Variants in KCP observed in about 807,000 individuals in gnomAD.
KCP encodes the protein kielin/chordin-like protein.
KCP carries 194 observed loss-of-function variants against 212.7 expected under a neutral mutation model. The observed-to-expected ratio is 0.91, with a 90% CI of 0.81 to 1.03. The LOEUF is 1.03. Among genes scored for constraint, KCP ranks in the 50% least tolerant of loss-of-function variants. The probability of loss-of-function intolerance (pLI) is 0.00; values close to 1 mark genes in which losing one functional copy is unlikely to be tolerated. For missense variants in KCP, 2,080 were observed against 2,162.5 expected, an observed-to-expected ratio of 0.96 and a Z score of 0.76; for synonymous variants, 833 against 865.3, an observed-to-expected ratio of 0.96 and a Z score of 0.65.
chr7:128,891,602 A>G, intron 17 of KCP, 44 bp downstream of exon 17: 1 of 1,510,790 alleles, frequency 6.6e-7, no homozygotes, highest in East Asian at 2.5e-5. Context: ...TCCGGGGGCC[A>G]TGCCATCCCA....
At chr7:128,878,766 G>A in intron 37 of KCP, 44 bp from the exon 38 acceptor site, 1 of 1,522,686 alleles carries the variant, frequency 6.6e-7, no homozygotes, top group South Asian at 1.2e-5. Flanking sequence ...AAGGACAGGG[G>A]CCTTAAGAAG....
Position 128,889,028 on chromosome 7 carries a change from G to A in KCP, c.2347C>T (p.Leu783=). ...TGGTTACTCAGGTAGGACTCCCCCA[G>A]GTACTCACAGCCTTTCAGAGAAGAG... ...CCPDCDGCEY[L]GESYLSNQEF... is the part of the protein sequence containing the mutation. The change falls in exon 22 of 40, where the codon CTG becomes TTG. Residue 783 remains leucine (L), a synonymous_variant. Transcript: ENST00000610776. 6.6e-7 allele frequency: 1 copy of A among 1,509,448 alleles called. No individual in the cohort carries two copies. Among genetic ancestry groups the A allele is most frequent in the Non-Finnish European group, 8.9e-7 (1 of 1,125,014 alleles). The allele number at this position is 1,509,448 out of a possible 1,614,324, so 93.5% of individuals were successfully genotyped here.
chr7:128,904,470 T>A (rs771394666), intron 5 of KCP: 7 of 969,800 alleles, frequency 7.2e-6, no homozygotes, highest in Non-Finnish European at 1.1e-5. Flanking sequence ...CCCTTCCTGT[T>A]CCATCCCTCT....
Position 128,886,483 on chromosome 7 carries a change from G to A in KCP, c.2847C>T (p.Ser949=). 1.3e-6 allele frequency: 2 copies of A among 1,549,768 alleles called. No individual in the cohort carries two copies. Among genetic ancestry groups the A allele is most frequent in the Non-Finnish European group, 1.7e-6 (2 of 1,146,162 alleles). The change falls in exon 26 of 40, where the codon AGC becomes AGT. Residue 949 remains serine (S), a synonymous_variant. Transcript: ENST00000610776. The stretch of plus-strand genomic sequence containing the variant: ...CCATACCTCTGCAGCGAGGGCAGCA[G>A]CTCCCCCGCTCGGTGACCTGGAGCT... ...PCKLQVTERG[S]CCPRCRGCLA...
intron 34 of KCP, 45 bp downstream of exon 34, chr7:128,880,341 G>A (rs1450730500): frequency 6.8e-7 from 1 of 1,476,376 alleles, no homozygotes; most frequent in South Asian, 1.4e-5. Context: ...GGTACCATGT[G>A]CCCCCACCCT....
rs73461532 is a variant in KCP at position 128,904,434 on chromosome 7, C to T, written c.572-296G>A. ...CCTTCCCCCACCATCCTCCCTCTTT[C>T]TCTCTCTCCTGCTCTCCCTCCTCGT... On this transcript the variant is annotated intron_variant, in intron 5 of 39. Coordinates refer to ENST00000610776, the MANE Select transcript of KCP (RefSeq NM_001366122.1). 2.5e-5 allele frequency: 33 copies of T among 1,295,378 alleles called. No individual in the cohort carries two copies. In the African/African-American group the frequency reaches 4.4e-4, roughly 17 times the overall value. The allele number at this position is 1,295,378 out of a possible 1,614,324, so 80.2% of individuals were successfully genotyped here.
intron 37 of KCP, chr7:128,879,144 G>T: frequency 2.9e-6 from 1 of 348,490 alleles, no homozygotes; most frequent in Non-Finnish European, 5.3e-6. Flanking sequence ...GGGGGCAGGG[G>T]GCAAATTACT....
At chr7:128,891,317 T>C (rs777422037) in intron 18 of KCP, 39 bp from the exon 19 acceptor site, 30 of 1,547,032 alleles carry the variant, frequency 1.9e-5, no homozygotes, top group South Asian at 8.3e-5. Context: ...AGTGGGTTAG[T>C]TGGGGGAGGC....
At chr7:128,893,921 C>G in intron 10 of KCP, 22 bp from the exon 11 acceptor site, 1 of 1,550,630 alleles carries the variant, frequency 6.4e-7, no homozygotes, top group Non-Finnish European at 8.7e-7. Flanking sequence ...GCCTGGTCAG[C>G]ACGCCAGAGG....
chr7:128,886,942 T>G lies in KCP; in HGVS notation c.2623A>C (p.Lys875Gln), dbSNP rs1420634206. 6.5e-7 allele frequency: 1 copy of G among 1,529,410 alleles called. No individual in the cohort carries two copies. The highest frequency in any genetic ancestry group is 8.8e-7 in the Non-Finnish European group (1 of 1,132,088). The allele number at this position is 1,529,410 out of a possible 1,614,324, so 94.7% of individuals were successfully genotyped here. ...GGGCAGAGAGCTGGGGGACATGGCT[T>G]CTTCTGGCAGCGCATGGAACCTTCC... ...CQEGSMRCQK[K>Q]PCPPALCPHP... The change falls in exon 24 of 40, where the codon AAG becomes CAG. Residue 875 changes from lysine to glutamine, a missense_variant. Coordinates refer to ENST00000610776, the MANE Select transcript of KCP (RefSeq NM_001366122.1).
rs184329865 is a variant in KCP at position 128,893,421 on chromosome 7, C to T, written c.1155G>A (p.Glu385=). 42 of 1,551,658 alleles carry T rather than the reference C, an allele frequency of 2.7e-5. No homozygotes were observed. In the African/African-American group the frequency reaches 5.7e-4, roughly 21 times the overall value. ...YQSQETFRLQ[E]RGLCVRCSCQ... ...AGGAGCAGCGGACACAGAGGCCCCG[C>T]TCTTGGAGTCTGAAGGTCTCCTGGC... The change falls in exon 12 of 40, where the codon GAG becomes GAA. Residue 385 remains glutamate, a synonymous_variant. Transcript: ENST00000610776.
rs7782976 is a variant in KCP, at chr7:128,892,926, T to C, written c.1363A>G (p.Lys455Glu). Reference sequence around the variant, plus strand: ...GGGGGGCAGAGCACAGCCCCGCACTTGGGTACCCCATCTTGACAGACGCAG... The same window carrying C: ...GGGGGGCAGAGCACAGCCCCGCACTCGGGTACCCCATCTTGACAGACGCAG... ...TACVCQDGVP[K>E]CGAVLCPPAP... Residue 455 changes from lysine (K) to glutamate (E), a missense_variant, in exon 14 of 40, where the codon AAG (lysine) becomes GAG (glutamate). By Grantham distance (56) the Lys-to-Glu change is moderately conservative. Transcript: ENST00000610776. The C allele has an allele frequency of 0.22, 327,054 of 1,507,536 alleles. 42,662 individuals carry two copies. Among genetic ancestry groups the C allele is most frequent in the East Asian group, 0.54 (21,821 of 40,682 alleles). 93.4% of individuals were successfully genotyped at this position (1,507,536 alleles called of 1,614,324 possible).
chr7:128,888,797 G>A, intron 22 of KCP, 66 bp downstream of exon 22: 2 of 1,436,212 alleles, frequency 1.4e-6, no homozygotes. Flanking sequence ...GGAGGAAAGT[G>A]GAATCGGTGA....
chr7:128,885,297 G>A lies in KCP; in HGVS notation c.2867-27C>T, dbSNP rs767181173. The A allele has an allele frequency of 5.3e-6, 8 of 1,521,836 alleles. No individual in the cohort carries two copies. In the African/African-American group the frequency reaches 8.3e-5, roughly 16 times the overall value. 94.3% of individuals were successfully genotyped at this position (1,521,836 alleles called of 1,614,324 possible). A position where few individuals can be genotyped will look rare whatever the true frequency, so the allele number is the denominator to read the frequency against. The stretch of plus-strand genomic sequence containing the variant: ...TGTGGTGCAAAGTGGGCAGGGACGA[G>A]CTCGGAGGTTGAGATCTGGACATCT... On this transcript the variant is annotated intron_variant, in intron 26 of 39. Coordinates refer to ENST00000610776, the MANE Select transcript of KCP (RefSeq NM_001366122.1).
In KCP at chr7:128,910,632, G is replaced by A. The variant is rs941208514; in HGVS notation, c.45C>T (p.Leu15=). 4.0e-6 allele frequency: 6 copies of A among 1,517,626 alleles called. No homozygotes were observed. The highest frequency in any genetic ancestry group is 5.3e-6 in the Non-Finnish European group (6 of 1,139,820). The allele number at this position is 1,517,626 out of a possible 1,614,324, so 94.0% of individuals were successfully genotyped here. The change falls in exon 1 of 40, where the codon CTC becomes CTT. Residue 15 remains leucine, a synonymous_variant. Coordinates refer to ENST00000610776, the MANE Select transcript of KCP (RefSeq NM_001366122.1). ...CGCCCGCGGCCAGCGCCAGGGCCCC[G>A]AGGTGCAGGAGAAGGGACAGCGCAG... ...GAAALSLLLH[L]GALALAAGAE...
intron 22 of KCP, among the ~76,000 whole-genome samples, chr7:128,888,353 C>T (rs1454386489): frequency 4.1e-5 from 6 of 144,734 alleles, no homozygotes; most frequent in Non-Finnish European, 7.7e-5. Context: ...CACACATACA[C>T]AGATACACCC....
Position 128,886,501 on chromosome 7 carries a change from C to CT in KCP, c.2828dup (p.Val944GlyfsTer26). The CT allele has an allele frequency of 3.2e-6, 5 of 1,550,696 alleles. No homozygotes were observed. The highest frequency in any genetic ancestry group is 4.4e-6 in the Non-Finnish European group (5 of 1,146,538). On this transcript the variant is annotated frameshift_variant, in exon 26 of 40. Transcript: ENST00000610776. LOFTEE classifies it high-confidence loss of function. Reference sequence around the variant, plus strand: ...GGCAGCAGCTCCCCCGCTCGGTGACCTGGAGCTTGCAGGGAAGGGGTGGGC... The same window carrying CT: ...GGCAGCAGCTCCCCCGCTCGGTGACCTTGGAGCTTGCAGGGAAGGGGTGGGC...
Position 128,880,078 on chromosome 7 carries a change from G to A in KCP, c.3767C>T (p.Ala1256Val). The change falls in exon 35 of 40, where the codon GCC becomes GTC. Residue 1256 changes from alanine to valine, a missense_variant. By Grantham distance (64) the Ala-to-Val change is moderately conservative. Coordinates refer to ENST00000610776, the MANE Select transcript of KCP (RefSeq NM_001366122.1). The part of the protein sequence containing the change: ...CSPLSCGPDK[A>V]PALSPGSCCP... ...GCAGCTGCCAGGACTCAGGGCAGGGGCCTTGTCCTGCACTCAGCCCCAGAC... is the reference window on the plus strand; with the variant it reads ...GCAGCTGCCAGGACTCAGGGCAGGGACCTTGTCCTGCACTCAGCCCCAGAC... 1 of 1,539,144 alleles carries A rather than the reference G, an allele frequency of 6.5e-7. No individual in the cohort carries two copies. The highest frequency in any genetic ancestry group is 1.2e-5 in the South Asian group (1 of 82,762).
rs538459636 is a variant in KCP at position 128,887,923 on chromosome 7, A to G, written c.2513-623T>C. Among the ~76,000 whole-genome samples the G allele has an allele frequency of 1.2e-3, 186 of 150,658 alleles. 1 individual carries two copies. The highest frequency in any genetic ancestry group is 4.3e-3 in the African/African-American group (174 of 40,884). The stretch of plus-strand genomic sequence containing the variant: ...CACATACACATACACACCCACACAC[A>G]CAGCCATACAAACACATAGCCACAC... On this transcript the variant is annotated intron_variant, in intron 22 of 39. Coordinates refer to ENST00000610776, the MANE Select transcript of KCP (RefSeq NM_001366122.1).
Sources: allele counts gnomAD v4.1 joint callset (sites outside exome capture counted in the v4.1 genomes callset), GRCh38; gene constraint gnomAD v4.1.1; transcripts MANE v1.5; gene names NCBI Gene and HGNC (gene_info 2026-07-23, HGNC 2026-07-21).